The following PARP6 variants were observed in gnomAD, a reference collection of about 807,000 sequenced individuals.
PARP6 encodes protein mono-ADP-ribosyltransferase PARP6.
A neutral mutation model predicts 92.0 loss-of-function variants in PARP6; 27 were observed. The ratio of observed to expected loss-of-function variants is 0.29; its 90% CI spans 0.22 to 0.40. The LOEUF (loss-of-function observed/expected upper bound fraction) is 0.40. Ranked by LOEUF, PARP6 falls within the 10% of genes least tolerant of loss-of-function variation. PARP6 has a pLI of 1.00. For missense variants in PARP6, 501 were observed against 784.5 expected, an observed-to-expected ratio of 0.64 and a Z score of 4.32; for synonymous variants, 272 against 281.2, an observed-to-expected ratio of 0.97 and a Z score of 0.33.
At chr15:72,259,561 T>TGAC in intron 11 of PARP6, 47 bp downstream of exon 11, 1 of 1,559,224 alleles carries the variant, frequency 6.4e-7, no homozygotes, top group Non-Finnish European at 8.8e-7. Flanking sequence ...ACCAAATGGG[T>TGAC]CAGACAACAG....
intron 20 of PARP6, chr15:72,243,060 A>G (rs1421920755): frequency 4.0e-5 from 9 of 225,994 alleles, no homozygotes; most frequent in Non-Finnish European, 6.1e-5. Flanking sequence ...AGGATACAGA[A>G]GGCCTGAAGG....
At position 72,258,130 on chromosome 15, in the gene PARP6, G is replaced by A. The variant is rs1272584615; in HGVS notation, c.813C>T (p.Ile271=). The A allele has an allele frequency of 6.2e-7, 1 of 1,606,052 alleles. No homozygotes were observed. Among genetic ancestry groups the A allele is most frequent in the Non-Finnish European group, 8.5e-7 (1 of 1,172,604 alleles). The change falls in exon 12 of 24, where the codon ATC becomes ATT. Residue 271 remains isoleucine (I), a splice_region_variant and synonymous_variant. Coordinates refer to ENST00000569795, the MANE Select transcript of PARP6 (RefSeq NM_001323532.2). ...PTLEYGFLVQ[I]MKYAEQRIPT... The stretch of plus-strand genomic sequence containing the variant: ...GAATCCTCTGTTCTGCATACTTCAT[G>A]ATCTGAGAAAACAACAGATTCTAAG...
At chr15:72,259,153 T>C (rs1013068918) in intron 11 of PARP6, among the ~76,000 whole-genome samples, 2 of 152,174 alleles carry the variant, frequency 1.3e-5, no homozygotes, top group Admixed American at 6.5e-5. Context: ...AAGAGGAAGA[T>C]AGGAAGAATT....
At chr15:72,246,023 T>C (rs2083559178) in intron 20 of PARP6, among the ~76,000 whole-genome samples, 1 of 152,190 alleles carries the variant, frequency 6.6e-6, no homozygotes, top group Non-Finnish European at 1.5e-5. Flanking sequence ...AAAAAGACTA[T>C]TCCAACCCTA....
At chr15:72,245,317 C>A (rs546981123) in intron 20 of PARP6, 1 of 152,028 alleles carries the variant, frequency 6.6e-6, no homozygotes, top group Non-Finnish European at 1.5e-5. Flanking sequence ...GAGCTGAGAC[C>A]GCGCCACTGC....
intron 1 of PARP6, among the ~76,000 whole-genome samples, chr15:72,271,589 G>C (rs1385751744): frequency 6.6e-6 from 1 of 152,210 alleles, no homozygotes; most frequent in Non-Finnish European, 1.5e-5. Context: ...TACAGAGGTC[G>C]ACCAATTTGC....
intron 4 of PARP6, 138 bp downstream of exon 4, chr15:72,266,607 C>G (rs1280690925): frequency 1.5e-6 from 1 of 673,740 alleles, no homozygotes; most frequent in East Asian, 2.6e-5. Context: ...TCAGCTCTGA[C>G]AAGACCATGC....
chr15:72,266,695 G>A (rs2086638892), intron 4 of PARP6, 50 bp downstream of exon 4: 5 of 1,329,992 alleles, frequency 3.8e-6, no homozygotes, highest in Non-Finnish European at 5.4e-6. Flanking sequence ...CCAAAAAGCA[G>A]CACATATCTA....
At chr15:72,265,707 A>G (rs574061840) in intron 5 of PARP6, among the ~76,000 whole-genome samples, 190 bp downstream of exon 5, 2 of 152,368 alleles carry the variant, frequency 1.3e-5, no homozygotes, top group Admixed American at 6.5e-5. Flanking sequence ...GGGGTCTAGG[A>G]TAAGAGGGAA....
chr15:72,256,977 A>G (rs1290651975), intron 13 of PARP6, among the ~76,000 whole-genome samples: 2 of 152,112 alleles, frequency 1.3e-5, no homozygotes, highest in African/African-American at 4.8e-5. Context: ...TCCTGAGCTC[A>G]AGCCATCCTC....
Position 72,265,135 on chromosome 15 carries a change from C to A in PARP6, c.274G>T (p.Glu92Ter). 1.2e-6 allele frequency: 2 copies of A among 1,613,684 alleles called. No individual in the cohort carries two copies. Among genetic ancestry groups the A allele is most frequent in the South Asian group, 2.2e-5 (2 of 91,040 alleles). Residue 92 changes from glutamate to a stop codon, truncating the protein, a stop_gained, in exon 7 of 24, where the codon GAA becomes TAA. Coordinates refer to ENST00000569795, the MANE Select transcript of PARP6 (RefSeq NM_001323532.2). LOFTEE classifies it high-confidence loss of function. The stretch of plus-strand genomic sequence containing the variant: ...AATCGCAGCCTCAACACAATAGGTT[C>A]TGTCCGGAGGACCTTCCAGGCTGTA... ...VSTAWKVLRT[E>*]PIVLRLRFSL...
At position 72,241,995 on chromosome 15, in the gene PARP6, A is replaced by G; in HGVS notation, c.1706-10T>C. ...TCCTTAGATGTAATCACTGGGAGAA[A>G]GAGGGCCAGAAATCATAGATACAAT... is the stretch of plus-strand genomic sequence containing the variant. On this transcript the variant is annotated splice_polypyrimidine_tract_variant and intron_variant, in intron 22 of 23. Transcript: ENST00000569795. This position sits in a 1 kb window ranked among gnomAD's most constrained non-coding sequence, Gnocchi z 4.1. The G allele has an allele frequency of 6.2e-7, 1 of 1,601,764 alleles. No individual in the cohort carries two copies. Among genetic ancestry groups the G allele is most frequent in the Non-Finnish European group, 8.6e-7 (1 of 1,168,686 alleles).
intron 20 of PARP6, among the ~76,000 whole-genome samples, chr15:72,248,434 C>T (rs377442942): frequency 4.0e-5 from 6 of 151,322 alleles, no homozygotes; most frequent in South Asian, 4.2e-4. Flanking sequence ...CTCCGCCTCC[C>T]GGGTTCAAGC....
At chr15:72,272,148 G>A (rs2087536774) in intron 1 of PARP6, 1 of 152,314 alleles carries the variant, frequency 6.6e-6, no homozygotes, top group Admixed American at 6.5e-5. Flanking sequence ...CAGGGAGAGA[G>A]GACACGGCTG....
intron 14 of PARP6, among the ~76,000 whole-genome samples, chr15:72,255,798 T>C (rs2085026553): frequency 2.9e-5 from 3 of 102,502 alleles, no homozygotes; most frequent in South Asian, 3.3e-4. Context: ...TTTTTTTTTT[T>C]TTTTTTTTTT....
At chr15:72,270,155 A>T (rs1050978776) in intron 2 of PARP6, among the ~76,000 whole-genome samples, 1 of 152,176 alleles carries the variant, frequency 6.6e-6, no homozygotes, top group African/African-American at 2.4e-5. Context: ...TCCAGCTCAT[A>T]GTGTTGCCTG....
chr15:72,243,217 T>C (rs866137703), intron 20 of PARP6: 2 of 153,728 alleles, frequency 1.3e-5, no homozygotes, highest in African/African-American at 2.4e-5. Flanking sequence ...CTCAGAACAT[T>C]AGGGAACCAC....
At chr15:72,263,353 C>T (rs919646419) in intron 8 of PARP6, among the ~76,000 whole-genome samples, 69 of 152,302 alleles carry the variant, frequency 4.5e-4, no homozygotes, top group African/African-American at 1.7e-3. Context: ...TAGCTCTGGC[C>T]TTTAGCATCT....
chr15:72,241,841 A>C lies in PARP6; in HGVS notation c.1790+60T>G. 1.6e-6 allele frequency: 2 copies of C among 1,220,894 alleles called. No individual in the cohort carries two copies. The highest frequency in any genetic ancestry group is 4.7e-4 in the Middle Eastern group (2 of 4,250). 75.6% of individuals were successfully genotyped at this position (1,220,894 alleles called of 1,614,324 possible). A position where few individuals can be genotyped will look rare whatever the true frequency, so the allele number is the denominator to read the frequency against. On this transcript the variant is annotated intron_variant, in intron 23 of 23. Transcript: ENST00000569795. This position sits in a 1 kb window ranked among gnomAD's most constrained non-coding sequence, Gnocchi z 4.1. ...GAAATAGACTTTTCCCAGTAGCCAC[A>C]CACCATCACACCCCCAACCTCACTC... is the stretch of plus-strand genomic sequence containing the variant.
Sources: gnomAD v4.1 joint callset for allele counts (sites outside exome capture counted in the v4.1 genomes callset) on GRCh38, gnomAD v4.1.1 for gene constraint, Gnocchi (gnomAD v3.1) non-coding constraint, MANE v1.5 for transcripts, NCBI Gene and HGNC (gene_info 2026-07-23, HGNC 2026-07-21) for gene names.